GULP1: variants seen among roughly 807,000 people sequenced by gnomAD.
GULP1 encodes GULP PTB domain containing engulfment adaptor 1, also known as PTB domain-containing engulfment adapter protein 1.
GULP1 carries 19 observed loss-of-function variants against 40.9 expected under a neutral mutation model. The observed-to-expected ratio is 0.46, with a 90% CI of 0.32 to 0.68. The LOEUF is 0.68. GULP1 is among the 30% of genes least tolerant of loss of function. The pLI is 0.03. For synonymous variants in GULP1, 119 were observed against 117.6 expected (o/e 1.01, Z -0.08); for missense variants, 312 against 362.2 (o/e 0.86, Z 1.12).
At chr2:188,343,363 C>T (rs1219674216) in intron 1 of GULP1, among the ~76,000 whole-genome samples, 1 of 151,652 alleles carries the variant, frequency 6.6e-6, no homozygotes, top group Non-Finnish European at 1.5e-5. Flanking sequence ...TTTTTTTACA[C>T]AAAATTAAAA....
chr2:188,513,218 C>G, intron 4 of GULP1, among the ~76,000 whole-genome samples: 1 of 152,116 alleles, frequency 6.6e-6, no homozygotes, highest in Non-Finnish European at 1.5e-5. Context: ...AACTATATGC[C>G]ATGCTGTTAT....
intron 2 of GULP1, among the ~76,000 whole-genome samples, chr2:188,396,438 G>A (rs187789796): frequency 2.0e-5 from 3 of 152,306 alleles, no homozygotes; most frequent in South Asian, 2.1e-4. Flanking sequence ...GTCCATATGC[G>A]GAGCGGGGAG....
At chr2:188,360,582 A>T (rs913184179) in intron 1 of GULP1, among the ~76,000 whole-genome samples, 17 of 152,206 alleles carry the variant, frequency 1.1e-4, no homozygotes, top group African/African-American at 2.6e-4. Context: ...TTAATTGTCA[A>T]TGTTGACTAA....
At chr2:188,580,633 A>G (rs1701121572) in intron 9 of GULP1, among the ~76,000 whole-genome samples, 2 of 152,194 alleles carry the variant, frequency 1.3e-5, no homozygotes, top group African/African-American at 4.8e-5. Context: ...GTGATTAATT[A>G]TATAACTCAG....
intron 1 of GULP1, among the ~76,000 whole-genome samples, chr2:188,324,557 C>T (rs1178047283): frequency 6.6e-6 from 1 of 151,864 alleles, no homozygotes; most frequent in Non-Finnish European, 1.5e-5. Context: ...GTTTTTACTT[C>T]AGCTTAAGTA....
chr2:188,457,267 A>G (rs541840167), intron 2 of GULP1, among the ~76,000 whole-genome samples: 1 of 152,206 alleles, frequency 6.6e-6, no homozygotes, highest in South Asian at 2.1e-4. Context: ...GCCAAATGAT[A>G]TGGTTTGGCT....
chr2:188,474,990 ATATTT>A (rs1486158883), intron 2 of GULP1, among the ~76,000 whole-genome samples: 2 of 152,170 alleles, frequency 1.3e-5, no homozygotes, highest in African/African-American at 4.8e-5. Flanking sequence ...TTTTAACTAT[ATATTT>A]TATTTCAATT....
intron 4 of GULP1, among the ~76,000 whole-genome samples, chr2:188,507,313 C>T (rs1209435377): frequency 6.6e-6 from 1 of 151,436 alleles, no homozygotes; most frequent in East Asian, 1.9e-4. Context: ...TGGAGTGATG[C>T]TTCCTGGGTT....
chr2:188,548,263 G>T (rs1692501053), intron 7 of GULP1, among the ~76,000 whole-genome samples: 1 of 152,068 alleles, frequency 6.6e-6, no homozygotes, highest in East Asian at 1.9e-4. Flanking sequence ...TAATAAATGA[G>T]TTTAGCCAGG....
At chr2:188,550,726 CTTA>C (rs1244522780) in intron 7 of GULP1, among the ~76,000 whole-genome samples, 1 of 145,250 alleles carries the variant, frequency 6.9e-6, no homozygotes, top group South Asian at 2.1e-4. Context: ...ACTGCATATT[CTTA>C]TTATAGCCAT....
chr2:188,552,861 A>G (rs997009788), intron 7 of GULP1, among the ~76,000 whole-genome samples: 1 of 150,138 alleles, frequency 6.7e-6, no homozygotes, highest in African/African-American at 2.4e-5. Flanking sequence ...TCATATATAT[A>G]TATATTTATT....
intron 7 of GULP1, among the ~76,000 whole-genome samples, chr2:188,554,176 T>A (rs997583975): frequency 5.9e-5 from 9 of 151,978 alleles, no homozygotes; most frequent in Non-Finnish European, 1.2e-4. Flanking sequence ...ATTTATTTTA[T>A]AATGTTAATT....
Position 188,477,784 on chromosome 2 carries a change from A to G in GULP1, c.28+54A>G, listed in dbSNP as rs1283540151. 16 of 1,292,570 alleles carry G rather than the reference A, an allele frequency of 1.2e-5. No homozygotes were observed. In the Middle Eastern group the frequency reaches 5.5e-4, roughly 45 times the overall value. The allele number at this position is 1,292,570 out of a possible 1,614,324, so 80.1% of individuals were successfully genotyped here. A position where few individuals can be genotyped will look rare whatever the true frequency, so the allele number is the denominator to read the frequency against. On this transcript the variant is annotated intron_variant, in intron 3 of 11. Coordinates refer to ENST00000409830, the MANE Select transcript of GULP1 (RefSeq NM_016315.4). ...GAGTCAAGCCAATGTTGCTATGAAC[A>G]TAAGCAGCGATGTTAAGAAATCAGT... is the stretch of plus-strand genomic sequence containing the variant.
At chr2:188,409,808 A>G (rs946656210) in intron 2 of GULP1, among the ~76,000 whole-genome samples, 2 of 152,176 alleles carry the variant, frequency 1.3e-5, no homozygotes, top group African/African-American at 4.8e-5. Context: ...TATTCAACAT[A>G]TACGCATGTA....
chr2:188,310,254 A>G (rs773385335), intron 1 of GULP1, among the ~76,000 whole-genome samples: 18 of 152,202 alleles, frequency 1.2e-4, no homozygotes, highest in Non-Finnish European at 1.5e-4. Context: ...ATAAAACCTC[A>G]CAGCTTTGAG....
intron 2 of GULP1, among the ~76,000 whole-genome samples, chr2:188,464,059 A>G (rs1258895670): frequency 1.3e-5 from 2 of 152,088 alleles, no homozygotes; most frequent in African/African-American, 2.4e-5. Flanking sequence ...TTCCTGGATC[A>G]TCTTGATACT....
chr2:188,501,902 G>A (rs956748626), intron 4 of GULP1, among the ~76,000 whole-genome samples: 3 of 151,904 alleles, frequency 2.0e-5, no homozygotes, highest in African/African-American at 7.2e-5. Context: ...AGCCAGGCAG[G>A]CTGTCTCCCC....
At chr2:188,550,090 C>T (rs1354639830) in intron 7 of GULP1, among the ~76,000 whole-genome samples, 2 of 151,576 alleles carry the variant, frequency 1.3e-5, no homozygotes, top group Non-Finnish European at 1.5e-5. Context: ...TTAGAATAAC[C>T]TGGACAAAGG....
intron 2 of GULP1, among the ~76,000 whole-genome samples, chr2:188,387,240 A>G (rs1425287286): frequency 2.0e-5 from 3 of 152,172 alleles, no homozygotes; most frequent in Non-Finnish European, 4.4e-5. Context: ...CCATCTAAAA[A>G]AAAAAATAAA....
Sources: gnomAD v4.1 joint callset for allele counts (sites outside exome capture counted in the v4.1 genomes callset) on GRCh38, gnomAD v4.1.1 for gene constraint, MANE v1.5 for transcripts, NCBI Gene and HGNC (gene_info 2026-07-23, HGNC 2026-07-21) for gene names.